Variants in SORCS2 observed in about 807,000 individuals in gnomAD.
The protein encoded by SORCS2 is sortilin related VPS10 domain containing receptor 2.
SORCS2 carries 100 observed loss-of-function variants against 141.6 expected under a neutral mutation model. That is an observed-to-expected ratio of 0.71 (90% CI 0.60 to 0.83). The LOEUF is 0.83. Among genes scored for constraint, SORCS2 ranks in the 40% least tolerant of loss-of-function variants. The probability of loss-of-function intolerance (pLI) is 0.00; values close to 1 mark genes in which losing one functional copy is unlikely to be tolerated. For missense variants in SORCS2, 1,646 were observed against 1,560.2 expected, an observed-to-expected ratio of 1.05 and a Z score of -0.93; for synonymous variants, 789 against 676.9, an observed-to-expected ratio of 1.17 and a Z score of -2.57.
At chr4:7,226,820 G>C (rs116068430) in intron 1 of SORCS2, among the ~76,000 whole-genome samples, 1 of 152,188 alleles carries the variant, frequency 6.6e-6, no homozygotes, top group African/African-American at 2.4e-5. Flanking sequence ...TTCAAGCACC[G>C]CCGGGAAGCA....
chr4:7,486,461 C>A (rs2109388199), intron 2 of SORCS2, among the ~76,000 whole-genome samples: 1 of 152,330 alleles, frequency 6.6e-6, no homozygotes, highest in East Asian at 1.9e-4. Context: ...CCGTGTCTTG[C>A]AAGAAGGTCC....
chr4:7,733,515 C>A, intron 24 of SORCS2, 94 bp downstream of exon 24: 1 of 1,012,316 alleles, frequency 9.9e-7, no homozygotes, highest in Non-Finnish European at 1.4e-6. Flanking sequence ...GCAGATGGCC[C>A]GTATCCCCCT....
intron 3 of SORCS2, among the ~76,000 whole-genome samples, chr4:7,601,960 CATGTT>C (rs1233142926): frequency 1.3e-5 from 2 of 152,174 alleles, no homozygotes. Context: ...GGACACAGCA[CATGTT>C]TCAGAGAGCA....
chr4:7,491,512 T>G (rs1731313643), intron 2 of SORCS2, among the ~76,000 whole-genome samples: 1 of 152,206 alleles, frequency 6.6e-6, no homozygotes, highest in Non-Finnish European at 1.5e-5. Flanking sequence ...AAGCAGCTGC[T>G]CATTTCACGC....
chr4:7,715,611 C>G (rs973558444), intron 17 of SORCS2, among the ~76,000 whole-genome samples: 2 of 152,226 alleles, frequency 1.3e-5, no homozygotes, highest in Non-Finnish European at 2.9e-5. Context: ...TGAGTTGGCT[C>G]TGGACAGAGA....
intron 1 of SORCS2, among the ~76,000 whole-genome samples, chr4:7,194,002 T>G (rs1420433882): frequency 1.3e-5 from 2 of 151,878 alleles, no homozygotes; most frequent in African/African-American, 4.8e-5. Context: ...TGCCTCAACC[T>G]CACTCCCCAC....
At chr4:7,333,659 C>G (rs28671212) in intron 1 of SORCS2, among the ~76,000 whole-genome samples, 80,089 of 151,964 alleles carry the variant, frequency 0.53, 21,291 homozygotes, top group East Asian at 0.57. Context: ...TTGCTTCCCC[C>G]AGACCCTGAC....
intron 26 of SORCS2, among the ~76,000 whole-genome samples, chr4:7,739,154 C>G (rs1237749402): frequency 1.3e-5 from 2 of 152,210 alleles, no homozygotes; most frequent in Non-Finnish European, 2.9e-5. Flanking sequence ...CCCCAGGTCA[C>G]TTAGTGAAAA....
At chr4:7,710,808 C>T (rs1473178825) in intron 14 of SORCS2, among the ~76,000 whole-genome samples, 6 of 152,246 alleles carry the variant, frequency 3.9e-5, no homozygotes, top group Non-Finnish European at 7.3e-5. Context: ...ACCTGGGGGC[C>T]TTCCCCTGTC....
chr4:7,638,520 G>T, intron 4 of SORCS2, 28 bp downstream of exon 4: 1 of 1,595,314 alleles, frequency 6.3e-7, no homozygotes. Flanking sequence ...CAGTCGCCTG[G>T]TCTGTGGGGC....
At chr4:7,377,114 C>G (rs1722705307) in intron 1 of SORCS2, among the ~76,000 whole-genome samples, 1 of 152,168 alleles carries the variant, frequency 6.6e-6, no homozygotes, top group Non-Finnish European at 1.5e-5. Context: ...TCTGTAATTT[C>G]AAATATTTGT....
chr4:7,198,188 C>A (rs965695750), intron 1 of SORCS2, among the ~76,000 whole-genome samples: 4 of 152,148 alleles, frequency 2.6e-5, no homozygotes, highest in Non-Finnish European at 5.9e-5. Flanking sequence ...AGGTGCGTGG[C>A]TGGGCGCACA....
chr4:7,223,872 C>A (rs1560122419), intron 1 of SORCS2, among the ~76,000 whole-genome samples: 1 of 151,804 alleles, frequency 6.6e-6, no homozygotes, highest in African/African-American at 2.4e-5. Context: ...TGTTAAGTGG[C>A]TGTTAAGTGC....
chr4:7,524,296 C>T (rs1733524369), intron 2 of SORCS2, among the ~76,000 whole-genome samples: 1 of 152,136 alleles, frequency 6.6e-6, no homozygotes, highest in African/African-American at 2.4e-5. Context: ...GCCTGGAGCC[C>T]TCAGCAGCTG....
intron 3 of SORCS2, among the ~76,000 whole-genome samples, chr4:7,595,579 C>T (rs1717218547): frequency 6.7e-6 from 1 of 149,902 alleles, no homozygotes; most frequent in African/African-American, 2.5e-5. Context: ...ACGTTCTTGT[C>T]ACTCTTGTCA....
chr4:7,569,576 C>A (rs1288402030), intron 3 of SORCS2, among the ~76,000 whole-genome samples: 1 of 152,140 alleles, frequency 6.6e-6, no homozygotes, highest in East Asian at 1.9e-4. Flanking sequence ...GTACAATATG[C>A]CCATTTTACA....
At chr4:7,541,223 C>T (rs1486557612) in intron 3 of SORCS2, among the ~76,000 whole-genome samples, 2 of 152,180 alleles carry the variant, frequency 1.3e-5, no homozygotes, top group African/African-American at 2.4e-5. Context: ...CTGTGGCCTC[C>T]GGTGGTGTAG....
rs1384986918 is a variant in SORCS2 at position 7,600,347 on chromosome 4, C to T, written c.649-37981C>T. 2.6e-5 allele frequency among the ~76,000 whole-genome samples: 4 copies of T among 152,150 alleles called. No homozygotes were observed. The East Asian group carries it at 5.8e-4, about 22-fold the overall frequency. ...GTCGCTGCTACAGTACGAGGAACCC[C>T]CACAGCGTGGAGGCTTCCCTCTAGA... is the stretch of plus-strand genomic sequence containing the variant. On this transcript the variant is annotated intron_variant, in intron 3 of 26. Transcript: ENST00000507866.
At position 7,613,521 on chromosome 4, in the gene SORCS2, G is replaced by T. The variant is rs111773519; in HGVS notation, c.649-24807G>T. Among the ~76,000 whole-genome samples, 465 of 152,228 alleles carry T rather than the reference G, an allele frequency of 3.1e-3. 2 individuals are homozygous for T. Among genetic ancestry groups the T allele is most frequent in the African/African-American group, 0.011 (448 of 41,524 alleles). Reference sequence around the variant, plus strand: ...GTCTAGCAACTAAGGAGCACTCTGGGCCCCATGTGAGGATAACTCCAAAGT... The same window carrying T: ...GTCTAGCAACTAAGGAGCACTCTGGTCCCCATGTGAGGATAACTCCAAAGT... On this transcript the variant is annotated intron_variant, in intron 3 of 26. Transcript: ENST00000507866.
Sources: allele counts gnomAD v4.1 joint callset (sites outside exome capture counted in the v4.1 genomes callset), GRCh38; gene constraint gnomAD v4.1.1; transcripts MANE v1.5; gene names NCBI Gene and HGNC (gene_info 2026-07-23, HGNC 2026-07-21).